Variants in CLEC6A observed in about 807,000 individuals in gnomAD.
CLEC6A encodes C-type lectin domain family 6 member A.
In CLEC6A, 22 loss-of-function variants were observed where a neutral mutation model predicts 25.7. The ratio of observed to expected loss-of-function variants is 0.85; its 90% confidence interval spans 0.61 to 1.22. The LOEUF (loss-of-function observed/expected upper bound fraction) is 1.22. Ranked by LOEUF, CLEC6A falls within the 50% of genes most tolerant of loss-of-function variation. The pLI is 0.00. For missense variants in CLEC6A, 240 were observed against 236.8 expected, an observed-to-expected ratio of 1.01 and a Z score of -0.09; for synonymous variants, 92 against 76.7, an observed-to-expected ratio of 1.20 and a Z score of -1.04.
At chr12:8,462,558 T>G (rs7295602) in intron 3 of CLEC6A, among the ~76,000 whole-genome samples, 89,769 of 120,104 alleles carry the variant, frequency 0.75, 34,404 homozygotes, top group East Asian at 0.99. Flanking sequence ...GCTCTGTAAG[T>G]CATTGAGATG....
At chr12:8,464,827 A>T (rs2136360285) in intron 3 of CLEC6A, among the ~76,000 whole-genome samples, 1 of 152,332 alleles carries the variant, frequency 6.6e-6, no homozygotes, top group South Asian at 2.1e-4. Flanking sequence ...CTAATTGTTT[A>T]AGATGCTTAA....
intron 4 of CLEC6A, among the ~76,000 whole-genome samples, chr12:8,475,184 G>C (rs1291174138): frequency 3.3e-5 from 5 of 151,968 alleles, no homozygotes; most frequent in Non-Finnish European, 7.4e-5. Context: ...TTAGTAATTT[G>C]CTACTTTCTA....
At chr12:8,470,136 C>T (rs190855029) in intron 4 of CLEC6A, among the ~76,000 whole-genome samples, 65 of 152,140 alleles carry the variant, frequency 4.3e-4, no homozygotes, top group African/African-American at 1.6e-3. Context: ...CATGAATAGA[C>T]AATTCTCTAA....
chr12:8,468,195 G>A (rs1024549484), intron 4 of CLEC6A, among the ~76,000 whole-genome samples: 4 of 152,086 alleles, frequency 2.6e-5, no homozygotes, highest in African/African-American at 7.2e-5. Flanking sequence ...CACCCACCTC[G>A]GCCTCCCAAA....
rs746059514 is a variant in CLEC6A at position 8,472,994 on chromosome 12, C to CTTTTT, written c.370-3116_370-3112dup. 2.0e-3 allele frequency among the ~76,000 whole-genome samples: 7 copies of CTTTTT among 3,574 alleles called. 3 individuals are homozygous for CTTTTT. The highest frequency in any genetic ancestry group is 1.9e-3 in the African/African-American group (4 of 2,152). The allele number at this position is 3,574 out of a possible 152,430, so 2.3% of individuals were successfully genotyped here. A position where few individuals can be genotyped will look rare whatever the true frequency, so the allele number is the denominator to read the frequency against. ...AGTACTCAGTGTTTAGCTCCTACTT[C>CTTTTT]TTTTTTTTTTTTTTTTTTTGAGACG... On this transcript the variant is annotated intron_variant, in intron 4 of 5. Transcript: ENST00000382073.
At chr12:8,459,423 T>C (rs941210815) in intron 2 of CLEC6A, among the ~76,000 whole-genome samples, 174 bp from the exon 3 acceptor site, 3 of 151,950 alleles carry the variant, frequency 2.0e-5, no homozygotes, top group Non-Finnish European at 4.4e-5. Flanking sequence ...GGGATATATA[T>C]AAAAAAATAA....
At chr12:8,472,074 CA>C (rs1195141710) in intron 4 of CLEC6A, among the ~76,000 whole-genome samples, 1 of 151,890 alleles carries the variant, frequency 6.6e-6, no homozygotes, top group African/African-American at 2.4e-5. Flanking sequence ...ATTTAGGCAT[CA>C]AAAAAACACC....
At chr12:8,464,808 A>G (rs372706204) in intron 3 of CLEC6A, among the ~76,000 whole-genome samples, 1 of 152,212 alleles carries the variant, frequency 6.6e-6, no homozygotes, top group Non-Finnish European at 1.5e-5. Context: ...TTGTAAGGGA[A>G]GAGAACTGCT....
intron 3 of CLEC6A, chr12:8,460,647 A>G: frequency 4.1e-6 from 6 of 1,476,764 alleles, no homozygotes; most frequent in Non-Finnish European, 9.4e-7. Flanking sequence ...TCCAGGAGCT[A>G]TGGAGAAAGA....
chr12:8,465,602 G>A lies in CLEC6A; in HGVS notation c.342G>A (p.Leu114=). 6.2e-7 allele frequency: 1 copy of A among 1,613,362 alleles called. No individual in the cohort carries two copies. Among genetic ancestry groups the A allele is most frequent in the South Asian group, 1.1e-5 (1 of 90,984 alleles). ...ACTGTGTTGAGATGGGAGCACATTT[G>A]GTTGTGTTCAACACAGAAGCAGAGC... ...EQNCVEMGAH[L]VVFNTEAEQN... is the part of the protein sequence containing the mutation. Residue 114 remains leucine, a synonymous_variant, in exon 4 of 6, where the codon TTG becomes TTA. Coordinates refer to ENST00000382073, the MANE Select transcript of CLEC6A (RefSeq NM_001007033.2).
chr12:8,476,820 C>T (rs1210122729), intron 5 of CLEC6A, among the ~76,000 whole-genome samples: 1 of 151,924 alleles, frequency 6.6e-6, no homozygotes, highest in East Asian at 1.9e-4. Flanking sequence ...GTATCAAAAC[C>T]AGGTCTTGTA....
Position 8,465,538 on chromosome 12 carries a change from T to C in CLEC6A, c.278T>C (p.Ile93Thr), listed in dbSNP as rs1489452442. 1.2e-6 allele frequency: 2 copies of C among 1,613,722 alleles called. No homozygotes were observed. ...TCATTTGGTTCCAGTTGCTACTTCA[T>C]TTCCAGTGAAGAGAAGGTTTGGTCT... ...WKSFGSSCYF[I>T]SSEEKVWSKS... The change falls in exon 4 of 6, where the codon ATT (isoleucine) becomes ACT (threonine). Residue 93 changes from isoleucine to threonine, a missense_variant. Physicochemically the swap from Ile to Thr is moderately conservative, Grantham distance 89. Transcript: ENST00000382073.
At chr12:8,464,265 C>T (rs889172302) in intron 3 of CLEC6A, among the ~76,000 whole-genome samples, 2 of 149,934 alleles carry the variant, frequency 1.3e-5, no homozygotes, top group African/African-American at 2.4e-5. Context: ...ATTAGTAATG[C>T]AAAATAAAAA....
At position 8,476,658 on chromosome 12, in the gene CLEC6A, C is replaced by T. The variant is rs201652881; in HGVS notation, c.485+418C>T. ...ACATAATAATACTATTTACTTGTGG[C>T]TTTAAAATAGAATTCAGTTATACAT... On this transcript the variant is annotated intron_variant, in intron 5 of 5. Coordinates refer to ENST00000382073, the MANE Select transcript of CLEC6A (RefSeq NM_001007033.2). 1.6e-4 allele frequency among the ~76,000 whole-genome samples: 24 copies of T among 152,130 alleles called. No homozygotes were observed. In the East Asian group the frequency reaches 4.2e-3, roughly 27 times the overall value.
Position 8,460,599 on chromosome 12 carries a change from A to G in CLEC6A, c.223+901A>G, listed in dbSNP as rs995470807. ...GGGAAGAGCCTTTCTGTCTGGCGGA[A>G]GCCATCACATAAGTCAAGATGGGTG... On this transcript the variant is annotated intron_variant, in intron 3 of 5. Transcript: ENST00000382073. 4.3e-6 allele frequency: 5 copies of G among 1,168,900 alleles called. No homozygotes were observed. In the African/African-American group the frequency reaches 7.6e-5, roughly 18 times the overall value. 72.4% of individuals were successfully genotyped at this position (1,168,900 alleles called of 1,614,324 possible).
chr12:8,474,063 C>A (rs1939940461), intron 4 of CLEC6A, among the ~76,000 whole-genome samples: 1 of 152,036 alleles, frequency 6.6e-6, no homozygotes, highest in South Asian at 2.1e-4. Flanking sequence ...TGCTAAGAAG[C>A]ATTTTAGTTT....
chr12:8,468,754 C>T (rs946230826), intron 4 of CLEC6A, among the ~76,000 whole-genome samples: 1 of 152,036 alleles, frequency 6.6e-6, no homozygotes, highest in Non-Finnish European at 1.5e-5. Flanking sequence ...ATTATTAAAA[C>T]CCTCAGTAAA....
intron 4 of CLEC6A, among the ~76,000 whole-genome samples, chr12:8,469,698 C>A (rs992083494): frequency 2.6e-5 from 4 of 152,094 alleles, no homozygotes; most frequent in Admixed American, 6.5e-5. Context: ...ACACCCTATT[C>A]AACAAACCGT....
chr12:8,475,990 A>G, intron 4 of CLEC6A, 135 bp from the exon 5 acceptor site: 2 of 546,520 alleles, frequency 3.7e-6, no homozygotes, highest in Non-Finnish European at 6.4e-6. Context: ...ACTCCTGGTC[A>G]GAAGGCCATC....
Sources: allele counts gnomAD v4.1 joint callset (sites outside exome capture counted in the v4.1 genomes callset), GRCh38; gene constraint gnomAD v4.1.1; transcripts MANE v1.5; gene names NCBI Gene and HGNC (gene_info 2026-07-23, HGNC 2026-07-21).